Variants in PTPRD observed in about 807,000 individuals in gnomAD.
The protein encoded by PTPRD is receptor-type tyrosine-protein phosphatase delta.
In PTPRD, 34 loss-of-function variants were observed where a neutral mutation model predicts 214.5. The ratio of observed to expected loss-of-function variants is 0.16; its 90% CI spans 0.12 to 0.21. PTPRD has a LOEUF of 0.21. Ranked by LOEUF, PTPRD falls within the 10% of genes least tolerant of loss-of-function variation. PTPRD has a pLI of 1.00. For missense variants in PTPRD, 2,545 were observed against 2,398.7 expected (o/e 1.06, Z -1.27); for synonymous variants, 1,128 against 845.7 (o/e 1.33, Z -5.79).
intron 12 of PTPRD, among the ~76,000 whole-genome samples, chr9:8,716,623 G>A (rs2098439418): frequency 6.6e-6 from 1 of 152,120 alleles, no homozygotes; most frequent in Non-Finnish European, 1.5e-5. Flanking sequence ...CAATATTATT[G>A]TAAAACCTAG....
chr9:9,741,467 G>A (rs571588080), intron 6 of PTPRD, among the ~76,000 whole-genome samples: 1 of 100,348 alleles, frequency 1.0e-5, no homozygotes, highest in Admixed American at 8.3e-5. Flanking sequence ...TTTAAATTAT[G>A]ATTATACTTA....
chr9:10,129,772 T>G (rs1331405754), intron 3 of PTPRD, among the ~76,000 whole-genome samples: 1 of 152,030 alleles, frequency 6.6e-6, no homozygotes, highest in Non-Finnish European at 1.5e-5. Flanking sequence ...CCTAAATATT[T>G]TACTTTGAAT....
At chr9:8,726,733 G>A (rs1049772461) in intron 12 of PTPRD, among the ~76,000 whole-genome samples, 1 of 141,984 alleles carries the variant, frequency 7.0e-6, no homozygotes, top group Non-Finnish European at 1.5e-5. Flanking sequence ...CCCAGGAGAT[G>A]GAGTTTGCAG....
At chr9:10,253,437 T>G (rs1352815985) in intron 3 of PTPRD, among the ~76,000 whole-genome samples, 3 of 152,224 alleles carry the variant, frequency 2.0e-5, no homozygotes, top group Non-Finnish European at 4.4e-5. Context: ...GCCCAGAAAC[T>G]TTGATGGTAA....
intron 12 of PTPRD, among the ~76,000 whole-genome samples, chr9:8,667,956 A>G (rs564605654): frequency 6.6e-6 from 1 of 152,130 alleles, no homozygotes; most frequent in Non-Finnish European, 1.5e-5. Context: ...AAAAAATAAT[A>G]AAAATAAAAT....
chr9:8,351,777 G>C (rs1156580219), intron 39 of PTPRD, among the ~76,000 whole-genome samples: 1 of 134,592 alleles, frequency 7.4e-6, no homozygotes, highest in Non-Finnish European at 1.5e-5. Flanking sequence ...AAAAAATCTA[G>C]AGTTAGGGAG....
intron 8 of PTPRD, among the ~76,000 whole-genome samples, chr9:9,515,671 T>C (rs1369489585): frequency 2.6e-5 from 4 of 151,904 alleles, no homozygotes; most frequent in Non-Finnish European, 4.4e-5. Context: ...TTGAAAACCA[T>C]ATATTAAATA....
chr9:8,989,476 G>A (rs894211544), intron 11 of PTPRD, among the ~76,000 whole-genome samples: 3 of 152,002 alleles, frequency 2.0e-5, no homozygotes, highest in East Asian at 3.9e-4. Context: ...ACTGTGCCTG[G>A]TTTATTTCAC....
chr9:10,158,550 G>C (rs998698727), intron 3 of PTPRD, among the ~76,000 whole-genome samples: 1 of 152,070 alleles, frequency 6.6e-6, no homozygotes, highest in Non-Finnish European at 1.5e-5. Flanking sequence ...TAGGAAACCA[G>C]AAACAAATAC....
At chr9:9,673,007 C>T (rs1374504129) in intron 7 of PTPRD, among the ~76,000 whole-genome samples, 1 of 151,880 alleles carries the variant, frequency 6.6e-6, no homozygotes, top group Non-Finnish European at 1.5e-5. Context: ...ATAACGTATA[C>T]AAATTAAAAT....
At chr9:10,466,985 A>G (rs1237869765) in intron 2 of PTPRD, among the ~76,000 whole-genome samples, 2 of 152,218 alleles carry the variant, frequency 1.3e-5, no homozygotes, top group African/African-American at 4.8e-5. Context: ...GATAGCAAAT[A>G]CTATGAGCAT....
In PTPRD at chr9:10,307,610, T is replaced by C. The variant is rs569185671; in HGVS notation, c.-545+33353A>G. 2.6e-5 allele frequency among the ~76,000 whole-genome samples: 4 copies of C among 152,222 alleles called. No homozygotes were observed. In the South Asian group the frequency reaches 6.2e-4, roughly 24 times the overall value. The stretch of plus-strand genomic sequence containing the variant: ...CATATGGTAGTTCTATTTTTAGTTA[T>C]TGTTTGAGAAATATCCATACTGTTT... On this transcript the variant is annotated intron_variant, in intron 3 of 45. Transcript: ENST00000381196.
intron 3 of PTPRD, among the ~76,000 whole-genome samples, chr9:10,130,219 C>T (rs291304): frequency 0.77 from 115,713 of 150,346 alleles, 44,622 homozygotes; most frequent in Middle Eastern, 0.89. Context: ...ACATAATATT[C>T]ACATTCCAAT....
intron 39 of PTPRD, among the ~76,000 whole-genome samples, chr9:8,361,359 G>A (rs751586917): frequency 6.6e-6 from 1 of 152,168 alleles, no homozygotes; most frequent in Non-Finnish European, 1.5e-5. Context: ...AAGACTGCAA[G>A]CCAAATGTTG....
chr9:8,315,289 T>C lies in PTPRD; in HGVS notation c.*2585A>G, dbSNP rs1821065883. ...GTCTATGGTATGCATCCCATTCATT[T>C]TCTTCTTCTGATTATTGTCATCTTT... On this transcript the variant is annotated 3_prime_UTR_variant, in exon 46 of 46. Transcript: ENST00000381196. 4.3e-6 allele frequency: 1 copy of C among 232,634 alleles called. No homozygotes were observed. The highest frequency in any genetic ancestry group is 2.2e-5 in the African/African-American group (1 of 45,262). 14.4% of individuals were successfully genotyped at this position (232,634 alleles called of 1,614,324 possible).
chr9:8,996,646 C>G (rs987833380), intron 11 of PTPRD, among the ~76,000 whole-genome samples: 5 of 152,036 alleles, frequency 3.3e-5, no homozygotes, highest in South Asian at 2.1e-4. Flanking sequence ...TGGTGAGGGC[C>G]TGTTCCTCTC....
At chr9:10,221,460 TA>T (rs1409246190) in intron 3 of PTPRD, among the ~76,000 whole-genome samples, 1 of 152,014 alleles carries the variant, frequency 6.6e-6, no homozygotes, top group African/African-American at 2.4e-5. Context: ...GTATTGTCAA[TA>T]AAAATGTATA....
chr9:9,929,286 A>G (rs2890895), intron 5 of PTPRD, among the ~76,000 whole-genome samples: 86,043 of 152,102 alleles, frequency 0.57, 27,303 homozygotes, highest in East Asian at 0.91. Context: ...GGACCAGTAA[A>G]GTTAACTTGA....
At chr9:8,985,008 CCATTTAATT>C (rs1242338522) in intron 11 of PTPRD, among the ~76,000 whole-genome samples, 1 of 151,972 alleles carries the variant, frequency 6.6e-6, no homozygotes, top group African/African-American at 2.4e-5. Context: ...TACTTTTGAT[CCATTTAATT>C]CTAACCTTTC....
Sources: allele counts gnomAD v4.1 joint callset (sites outside exome capture counted in the v4.1 genomes callset), GRCh38; gene constraint gnomAD v4.1.1; transcripts MANE v1.5; gene names NCBI Gene and HGNC (gene_info 2026-07-23, HGNC 2026-07-21).